CPAMD8: variants seen among roughly 807,000 people sequenced by gnomAD.
CPAMD8 encodes the protein C3 and PZP like alpha-2-macroglobulin domain containing 8, also known as C3 and PZP-like alpha-2-macroglobulin domain-containing protein 8.
Under a neutral mutation model 224.7 loss-of-function variants are expected in CPAMD8, and 146 were observed. The observed-to-expected ratio is 0.65, with a 90% CI of 0.57 to 0.75. The LOEUF is 0.75. CPAMD8 is among the 30% of genes least tolerant of loss of function. The pLI, the probability that CPAMD8 is intolerant of heterozygous loss-of-function variation, is 0.00. For synonymous variants in CPAMD8, 966 were observed against 1,044.6 expected, an observed-to-expected ratio of 0.92 and a Z score of 1.45; for missense variants, 2,301 against 2,537.5, an observed-to-expected ratio of 0.91 and a Z score of 2.00.
chr19:16,969,204 A>G (rs1451730113), intron 18 of CPAMD8, among the ~76,000 whole-genome samples: 3 of 152,078 alleles, frequency 2.0e-5, no homozygotes, highest in African/African-American at 7.2e-5. Flanking sequence ...CATATCCCTA[A>G]TCTTGTGCAC....
intron 6 of CPAMD8, 150 bp downstream of exon 6, chr19:17,009,153 G>A: frequency 7.7e-7 from 1 of 1,307,122 alleles, no homozygotes; most frequent in Non-Finnish European, 1.1e-6. Flanking sequence ...GCGGACCCAG[G>A]GACCAGGATA....
intron 13 of CPAMD8, among the ~76,000 whole-genome samples, chr19:16,987,682 G>A (rs138567723): frequency 7.4e-4 from 113 of 152,126 alleles, no homozygotes; most frequent in Middle Eastern, 3.4e-3. Flanking sequence ...ACAGGGTCTC[G>A]CTCTGTCACC....
At chr19:16,906,404 T>TTCTTTCTTTTTCTTTCTTTCTC (rs1568459895) in intron 30 of CPAMD8, among the ~76,000 whole-genome samples, 1 of 83,876 alleles carries the variant, frequency 1.2e-5, no homozygotes, top group African/African-American at 4.8e-5. Context: ...CTTTCTTTCT[T>TTCTTTCTTTTTCTTTCTTTCTC]TCTTTCCTTC....
intron 20 of CPAMD8, 24 bp from the exon 21 acceptor site, chr19:16,947,251 T>C (rs1421433989): frequency 6.3e-7 from 1 of 1,596,098 alleles, no homozygotes; most frequent in Non-Finnish European, 8.5e-7. Flanking sequence ...CATTGGCTCA[T>C]GGCGCCTGGA....
chr19:16,896,675 G>A lies in CPAMD8; in HGVS notation c.5066-10C>T, dbSNP rs1479647101. Reference sequence around the variant, plus strand: ...TCGCCGGGGAACCAGCCTGGGGGACGAGGCAGGCTCGACAGACCCCCCACC... The same window carrying A: ...TCGCCGGGGAACCAGCCTGGGGGACAAGGCAGGCTCGACAGACCCCCCACC... On this transcript the variant is annotated splice_polypyrimidine_tract_variant and intron_variant, in intron 39 of 41. Coordinates refer to ENST00000443236, the MANE Select transcript of CPAMD8 (RefSeq NM_015692.5). 20 of 1,438,714 alleles carry A rather than the reference G, an allele frequency of 1.4e-5. No homozygotes were observed. The highest frequency in any genetic ancestry group is 1.7e-5 in the Non-Finnish European group (19 of 1,096,508). 89.1% of individuals were successfully genotyped at this position (1,438,714 alleles called of 1,614,324 possible). A position where few individuals can be genotyped will look rare whatever the true frequency, so the allele number is the denominator to read the frequency against.
chr19:16,909,669 G>T (rs977405271), intron 29 of CPAMD8, among the ~76,000 whole-genome samples: 2 of 151,816 alleles, frequency 1.3e-5, no homozygotes, highest in Non-Finnish European at 2.9e-5. Context: ...CCTTGAACCC[G>T]GGAGGCAGAG....
chr19:16,937,716 G>A (rs1046345893), intron 23 of CPAMD8, among the ~76,000 whole-genome samples: 2 of 147,590 alleles, frequency 1.4e-5, no homozygotes, highest in Non-Finnish European at 3.0e-5. Flanking sequence ...GCAATGGCGT[G>A]ATCTCGGCTC....
chr19:16,968,820 G>T (rs1428410511), intron 18 of CPAMD8, among the ~76,000 whole-genome samples: 1 of 151,968 alleles, frequency 6.6e-6, no homozygotes, highest in African/African-American at 2.4e-5. Context: ...TTGTATTTGT[G>T]TAGAGACAAG....
intron 22 of CPAMD8, among the ~76,000 whole-genome samples, chr19:16,940,991 C>T (rs2353103): frequency 0.61 from 93,486 of 152,092 alleles, 29,403 homozygotes; most frequent in African/African-American, 0.73. Flanking sequence ...AGTCCAGTGG[C>T]GCAGTCTCAG....
chr19:16,945,715 C>T, intron 21 of CPAMD8, 36 bp from the exon 22 acceptor site: 1 of 1,610,604 alleles, frequency 6.2e-7, no homozygotes, highest in African/African-American at 1.3e-5. Flanking sequence ...CAGAACAGGT[C>T]TCCACCCAAG....
In CPAMD8 at chr19:16,929,190, G is replaced by A. The variant is rs760890268; in HGVS notation, c.2896C>T (p.Arg966Trp). 2.1e-5 allele frequency: 34 copies of A among 1,613,608 alleles called. No homozygotes were observed. Among genetic ancestry groups the A allele is most frequent in the East Asian group, 1.8e-4 (8 of 44,878 alleles). ...TCAAAGCGGGTGAGGCGCAGTGGCC[G>A]CTGCACATACTGGAACTCATACTTG... ...PNKYEFQYVQ[R>W]PLRLTRFDVA... The change falls in exon 24 of 42, where the codon CGG becomes TGG. Residue 966 changes from arginine to tryptophan, a missense_variant. Arg to Trp is a moderately radical substitution (Grantham distance 101). This residue lies in a region of CPAMD8 where 1,709 missense variants were observed against 1,753.2 expected (regional missense o/e 0.97). Transcript: ENST00000443236.
At chr19:16,943,007 T>TC (rs1191869293) in intron 22 of CPAMD8, among the ~76,000 whole-genome samples, 8 of 127,886 alleles carry the variant, frequency 6.3e-5, no homozygotes, top group Non-Finnish European at 8.1e-5. Flanking sequence ...CTTTTTTCTT[T>TC]TTTCTTTTTT....
intron 23 of CPAMD8, 66 bp downstream of exon 23, chr19:16,938,329 G>T: frequency 1.2e-6 from 1 of 827,748 alleles, no homozygotes; most frequent in Non-Finnish European, 1.9e-6. Context: ...GTGGGAAAGG[G>T]GGAAGGCCAA....
In CPAMD8 at chr19:16,997,206, C is replaced by A. The variant is rs1289784991; in HGVS notation, c.1000G>T (p.Asp334Tyr). 6.4e-7 allele frequency: 1 copy of A among 1,574,334 alleles called. No individual in the cohort carries two copies. Among genetic ancestry groups the A allele is most frequent in the East Asian group, 2.2e-5 (1 of 44,670 alleles). Reference sequence around the variant, plus strand: ...TGCCTCTGCACGGGGGTGGAGTCATCGAACGCGACCTGCTGGCTCCCGTCC... The same window carrying A: ...TGCCTCTGCACGGGGGTGGAGTCATAGAACGCGACCTGCTGGCTCCCGTCC... ...SVDGSQQVAF[D>Y]DSTPVQRQLV... Residue 334 changes from aspartate (D) to tyrosine (Y), a missense_variant, in exon 11 of 42, where the codon GAT becomes TAT. Physicochemically the swap from Asp to Tyr is radical, Grantham distance 160. Transcript: ENST00000443236.
intron 13 of CPAMD8, among the ~76,000 whole-genome samples, chr19:16,985,203 T>C (rs908975831): frequency 6.6e-6 from 1 of 152,058 alleles, no homozygotes; most frequent in African/African-American, 2.4e-5. Context: ...GAGAAATAGA[T>C]GGATGCGTGA....
rs368780660 is a variant in CPAMD8 at position 16,929,246 on chromosome 19, T to G, written c.2846-6A>C. 7 of 1,593,194 alleles carry G rather than the reference T, an allele frequency of 4.4e-6. No individual in the cohort carries two copies. Among genetic ancestry groups the G allele is most frequent in the African/African-American group, 1.3e-5 (1 of 74,724 alleles). On this transcript the variant is annotated splice_polypyrimidine_tract_variant and splice_region_variant and intron_variant, in intron 23 of 41. Coordinates refer to ENST00000443236, the MANE Select transcript of CPAMD8 (RefSeq NM_015692.5). ...GGTGGAGATGTGGACTCTCTCTGGA[T>G]GGAGGAAAGGAGATGGGGAGTTGAG... is the stretch of plus-strand genomic sequence containing the variant.
Position 16,939,029 on chromosome 19 carries a change from C to T in CPAMD8, c.2794-583G>A, listed in dbSNP as rs1163351244. Among the ~76,000 whole-genome samples, 5 of 152,298 alleles carry T rather than the reference C, an allele frequency of 3.3e-5. No homozygotes were observed. The East Asian group carries it at 7.7e-4, about 23-fold the overall frequency. ...CCAGAATTTAACCCCCTATACCTTG[C>T]GGAGCTTGGTCTGACCAACACGGCC... On this transcript the variant is annotated intron_variant, in intron 22 of 41. Transcript: ENST00000443236.
rs998136133 is a variant in CPAMD8 at position 16,952,116 on chromosome 19, G to A, written c.2361C>T (p.Thr787=). 27 of 1,553,132 alleles carry A rather than the reference G, an allele frequency of 1.7e-5. No individual in the cohort carries two copies. The highest frequency in any genetic ancestry group is 2.3e-5 in the Non-Finnish European group (26 of 1,147,420). The part of the protein sequence containing the change: ...SWVGEAVALS[T]SQGLGIAEPS... ...GCTCGGCGATGCCTAAGCCCTGAGA[G>A]GTGGACAGGGCCACGGCCTCACCCA... The change falls in exon 20 of 42, where the codon ACC becomes ACT. Residue 787 remains threonine (T), a synonymous_variant. Coordinates refer to ENST00000443236, the MANE Select transcript of CPAMD8 (RefSeq NM_015692.5).
chr19:16,928,890 A>G, intron 24 of CPAMD8, 52 bp downstream of exon 24: 1 of 1,439,852 alleles, frequency 6.9e-7, no homozygotes, highest in Non-Finnish European at 9.4e-7. Flanking sequence ...AGCAGCTAGT[A>G]TTGGAGGAAC....
Sources: allele counts gnomAD v4.1 joint callset (sites outside exome capture counted in the v4.1 genomes callset), GRCh38; gene constraint gnomAD v4.1.1; regional missense constraint gnomAD v4.1.1; transcripts MANE v1.5; gene names NCBI Gene and HGNC (gene_info 2026-07-23, HGNC 2026-07-21).